HEG1: variants seen among roughly 807,000 people sequenced by gnomAD.
The protein encoded by HEG1 is protein HEG homolog 1.
In HEG1, 56 loss-of-function variants were observed where a neutral mutation model predicts 125.6. The ratio of observed to expected loss-of-function variants is 0.45; its 90% CI spans 0.36 to 0.56. The LOEUF is 0.56. Among genes scored for constraint, HEG1 ranks in the 20% least tolerant of loss-of-function variants. The pLI is 0.00. For synonymous variants in HEG1, 644 were observed against 668.5 expected (o/e 0.96, Z 0.57); for missense variants, 1,523 against 1,670.0 (o/e 0.91, Z 1.53).
In HEG1 at chr3:124,997,801, C is replaced by G. The variant is rs1178025626; in HGVS notation, c.3540G>C (p.Lys1180Asn). The change falls in exon 12 of 17, where the codon AAG becomes AAC. Residue 1180 changes from lysine (K) to asparagine (N), a missense_variant. Lys to Asn is a moderately conservative substitution (Grantham distance 94). Coordinates refer to ENST00000311127, the MANE Select transcript of HEG1 (RefSeq NM_020733.2). ...IFRAGSLCKR[K>N]SPECDKDTSI... ...AGGTGTCTTTGTCACATTCGGGACT[C>G]TTCCGCTTGCACAAGCTGCCCGCTG... 1.3e-6 allele frequency: 2 copies of G among 1,582,316 alleles called. No homozygotes were observed. The highest frequency in any genetic ancestry group is 3.5e-5 in the Admixed American group (2 of 57,898).
rs1367964879 is a variant in HEG1 at position 125,013,880 on chromosome 3, C to T, written c.1699G>A (p.Ala567Thr). 1 of 1,613,776 alleles carries T rather than the reference C, an allele frequency of 6.2e-7. No individual in the cohort carries two copies. Among genetic ancestry groups the T allele is most frequent in the Non-Finnish European group, 8.5e-7 (1 of 1,179,852 alleles). Residue 567 changes from alanine to threonine, a missense_variant, in exon 6 of 17, where the codon GCG (alanine) becomes ACG (threonine). Coordinates refer to ENST00000311127, the MANE Select transcript of HEG1 (RefSeq NM_020733.2). ...LSSTFTKGER[A>T]LLSITDNSSS... ...CTGTTATCTGTAATGGACAGTAACG[C>T]CCGTTCTCCTTTGGTGAAAGTAGAT...
chr3:125,030,622 A>AAAT (rs1233658856), intron 1 of HEG1, among the ~76,000 whole-genome samples: 2 of 152,352 alleles, frequency 1.3e-5, no homozygotes, highest in East Asian at 3.9e-4. Flanking sequence ...ATTTTGTGAA[A>AAAT]AATAATAATA....
At chr3:124,997,974 A>G (rs1038871453) in intron 11 of HEG1, among the ~76,000 whole-genome samples, 151 bp from the exon 12 acceptor site, 1 of 151,930 alleles carries the variant, frequency 6.6e-6, no homozygotes, top group African/African-American at 2.4e-5. Context: ...ACAGAGCAAC[A>G]CTCCTCTCAG....
rs1311184006 is a variant in HEG1, at chr3:125,001,249, A to G, written c.3517+603T>C. Among the ~76,000 whole-genome samples, 3 of 150,836 alleles carry G rather than the reference A, an allele frequency of 2.0e-5. No homozygotes were observed. In the East Asian group the frequency reaches 5.8e-4, roughly 29 times the overall value. ...ACTGCACATGCTTTTTTTTTTTTTA[A>G]CCTAATAATGTATCATGATGAAGGT... On this transcript the variant is annotated intron_variant, in intron 11 of 16. Transcript: ENST00000311127.
chr3:124,993,956 G>A (rs925703439), intron 12 of HEG1, among the ~76,000 whole-genome samples: 1 of 152,104 alleles, frequency 6.6e-6, no homozygotes, highest in African/African-American at 2.4e-5. Context: ...CGCTGTTCTG[G>A]GGAAACCTTG....
chr3:125,019,693 G>T, intron 4 of HEG1, 96 bp from the exon 5 acceptor site: 1 of 914,016 alleles, frequency 1.1e-6, no homozygotes, highest in Non-Finnish European at 1.7e-6. Context: ...AAGATTCTTT[G>T]CCAAGGAACC....
intron 14 of HEG1, among the ~76,000 whole-genome samples, chr3:124,983,439 A>G (rs1458878528): frequency 1.3e-5 from 2 of 150,694 alleles, no homozygotes; most frequent in Non-Finnish European, 2.9e-5. Context: ...AGCTCAAGTG[A>G]TCCTCTCACC....
intron 1 of HEG1, among the ~76,000 whole-genome samples, chr3:125,030,994 A>G (rs1456150855): frequency 6.6e-6 from 1 of 152,230 alleles, no homozygotes; most frequent in Non-Finnish European, 1.5e-5. Context: ...CAGAAAATAT[A>G]TTTAAATGAT....
intron 14 of HEG1, among the ~76,000 whole-genome samples, chr3:124,987,952 C>CACATATATATATATAT: frequency 1.8e-5 from 1 of 54,698 alleles, no homozygotes; most frequent in African/African-American, 4.8e-5. Context: ...CACACACACA[C>CACATATATATATATAT]ATATATATAT....
Position 125,001,903 on chromosome 3 carries a change from A to C in HEG1, c.3466T>G (p.Ser1156Ala), listed in dbSNP as rs570981173. ...AAGAGCTGGCAGACCTCAGCAGAGGACTTGCAGGAGTTGACACATTTCTGC... is the reference window on the plus strand; with the variant it reads ...AAGAGCTGGCAGACCTCAGCAGAGGCCTTGCAGGAGTTGACACATTTCTGC... Reference protein sequence around the residue: ...RMQKCVNSCKSSAEVCQLLGS... With the variant: ...RMQKCVNSCKASAEVCQLLGS... Residue 1156 changes from serine (S) to alanine (A), a missense_variant, in exon 11 of 17, where the codon TCC (serine) becomes GCC (alanine). By Grantham distance (99) the Ser-to-Ala change is moderately conservative. Transcript: ENST00000311127. The C allele has an allele frequency of 6.2e-7, 1 of 1,613,800 alleles. No individual in the cohort carries two copies. Among genetic ancestry groups the C allele is most frequent in the Non-Finnish European group, 8.5e-7 (1 of 1,179,838 alleles).
intron 5 of HEG1, 108 bp downstream of exon 5, chr3:125,019,154 C>A: frequency 2.2e-6 from 2 of 918,056 alleles, no homozygotes; most frequent in Non-Finnish European, 3.3e-6. Context: ...AGGCGTGAGC[C>A]ACCACGCTAG....
chr3:125,020,212 G>A (rs1937315293), intron 4 of HEG1, among the ~76,000 whole-genome samples: 1 of 152,234 alleles, frequency 6.6e-6, no homozygotes, highest in South Asian at 2.1e-4. Context: ...GGATTGCTTA[G>A]GGCCAGAGCT....
rs1937931043 is a variant in HEG1 at position 125,055,899 on chromosome 3, C to T, written c.-9G>A. 2.0e-6 allele frequency: 2 copies of T among 980,222 alleles called. No homozygotes were observed. Among genetic ancestry groups the T allele is most frequent in the Non-Finnish European group, 2.4e-6 (2 of 827,638 alleles). 60.7% of individuals were successfully genotyped at this position (980,222 alleles called of 1,614,324 possible). On this transcript the variant is annotated 5_prime_UTR_variant, in exon 1 of 17. Transcript: ENST00000311127. ...GCGCGCGGCGAGGCCATGGTGACGGCGCCCGCCCGCGCTCACATGCCCGGC... is the reference window on the plus strand; with the variant it reads ...GCGCGCGGCGAGGCCATGGTGACGGTGCCCGCCCGCGCTCACATGCCCGGC...
In HEG1 at chr3:125,015,202, G is replaced by A. The variant is rs990429263; in HGVS notation, c.1589-1212C>T. Among the ~76,000 whole-genome samples, 6 of 152,368 alleles carry A rather than the reference G, an allele frequency of 3.9e-5. No homozygotes were observed. In the South Asian group the frequency reaches 6.2e-4, roughly 16 times the overall value. ...AAACCTCAAGAGGAACTGTGGATCA[G>A]CACAACTGTTCAGGCACCCTGGATT... On this transcript the variant is annotated intron_variant, in intron 5 of 16. Transcript: ENST00000311127.
Position 124,973,873 on chromosome 3 carries a change from A to G in HEG1, c.3854T>C (p.Phe1285Ser), listed in dbSNP as rs1005138389. 3.7e-6 allele frequency: 6 copies of G among 1,612,972 alleles called. No individual in the cohort carries two copies. In the East Asian group the frequency reaches 1.3e-4, roughly 36 times the overall value. Residue 1285 changes from phenylalanine (F) to serine (S), a missense_variant, in exon 16 of 17, where the codon TTC becomes TCC. Phe to Ser is a radical substitution (Grantham distance 155). Coordinates refer to ENST00000311127, the MANE Select transcript of HEG1 (RefSeq NM_020733.2). ...KNKNDISKLIFKSGDFQMSPY... is the reference protein window; with the variant it reads ...KNKNDISKLISKSGDFQMSPY... ...GGACATTTGGAAATCTCCACTTTTG[A>G]AGATGAGTTTGCTTATGTCATTTTT... is the stretch of plus-strand genomic sequence containing the variant.
chr3:125,018,207 A>G (rs1204938250), intron 5 of HEG1, among the ~76,000 whole-genome samples: 1 of 152,228 alleles, frequency 6.6e-6, no homozygotes, highest in Admixed American at 6.5e-5. Flanking sequence ...AGCCACGAAA[A>G]GGAACGAAGT....
intron 1 of HEG1, among the ~76,000 whole-genome samples, chr3:125,042,347 G>A (rs1937599836): frequency 6.6e-6 from 1 of 152,162 alleles, no homozygotes; most frequent in Admixed American, 6.5e-5. Context: ...AGAATCACTT[G>A]AACCTGGGAG....
At chr3:125,006,685 AT>A (rs1937075302) in intron 8 of HEG1, among the ~76,000 whole-genome samples, 1 of 152,230 alleles carries the variant, frequency 6.6e-6, no homozygotes, top group Non-Finnish European at 1.5e-5. Flanking sequence ...AAATGAAAGC[AT>A]TTCAGCATGC....
rs966690983 is a variant in HEG1 at position 125,019,609 on chromosome 3, T to C, written c.1253-12A>G. Reference sequence around the variant, plus strand: ...ATGTTCTCCAAAGGCTGTAAGGTAATATAGGAAAAAAAGGCCATTACATAG... The same window carrying C: ...ATGTTCTCCAAAGGCTGTAAGGTAACATAGGAAAAAAAGGCCATTACATAG... On this transcript the variant is annotated splice_polypyrimidine_tract_variant and intron_variant, in intron 4 of 16. Transcript: ENST00000311127. The C allele has an allele frequency of 6.9e-6, 11 of 1,589,278 alleles. No individual in the cohort carries two copies. In the Middle Eastern group the frequency reaches 5.0e-4, roughly 72 times the overall value.
Sources: allele counts gnomAD v4.1 joint callset (sites outside exome capture counted in the v4.1 genomes callset), GRCh38; gene constraint gnomAD v4.1.1; transcripts MANE v1.5; gene names NCBI Gene and HGNC (gene_info 2026-07-23, HGNC 2026-07-21).